The following PDE3B variants were observed in gnomAD, a reference collection of about 807,000 sequenced individuals.
PDE3B encodes the protein phosphodiesterase 3B.
In PDE3B, 66 loss-of-function variants were observed where a neutral mutation model predicts 116.8. That is an observed-to-expected ratio of 0.56 (90% CI 0.46 to 0.69). PDE3B has a LOEUF of 0.69. PDE3B is among the 30% of genes least tolerant of loss of function. PDE3B has a pLI of 0.00. For synonymous variants in PDE3B, 595 were observed against 533.6 expected (o/e 1.12, Z -1.59); for missense variants, 1,384 against 1,368.1 (o/e 1.01, Z -0.18).
At chr11:14,753,270 C>A (rs1857103673) in intron 1 of PDE3B, among the ~76,000 whole-genome samples, 1 of 152,054 alleles carries the variant, frequency 6.6e-6, no homozygotes, top group Non-Finnish European at 1.5e-5. Flanking sequence ...CTTTATTAGT[C>A]ACCGAGGATA....
At chr11:14,777,649 G>A (rs886138507) in intron 2 of PDE3B, among the ~76,000 whole-genome samples, 8 of 152,142 alleles carry the variant, frequency 5.3e-5, no homozygotes, top group African/African-American at 1.9e-4. Context: ...TCCAGCAAAA[G>A]TATTCTTTAA....
chr11:14,789,345 A>C lies in PDE3B; in HGVS notation c.1415+103A>C, dbSNP rs551148120. The stretch of plus-strand genomic sequence containing the variant: ...TCTGGAAGCAGAAAGGAATGGTTGA[A>C]GTATTTTAGGTATAGGACAACATGT... On this transcript the variant is annotated intron_variant, in intron 4 of 15. Transcript: ENST00000282096. 49 of 867,794 alleles carry C rather than the reference A, an allele frequency of 5.6e-5. No homozygotes were observed. In the African/African-American group the frequency reaches 7.0e-4, roughly 12 times the overall value. The allele number at this position is 867,794 out of a possible 1,614,324, so 53.8% of individuals were successfully genotyped here. A position where few individuals can be genotyped will look rare whatever the true frequency, so the allele number is the denominator to read the frequency against.
the PDE3B span, chr11:14,890,444 G>A: frequency 4.1e-6 from 4 of 980,376 alleles, no homozygotes; most frequent in South Asian, 4.7e-5. Context: ...TTATTATCTC[G>A]TCCAGCTTCC....
chr11:14,789,192 G>A lies in PDE3B; in HGVS notation c.1365G>A (p.Arg455=). 1 of 1,611,028 alleles carries A rather than the reference G, an allele frequency of 6.2e-7. No homozygotes were observed. Among genetic ancestry groups the A allele is most frequent in the South Asian group, 1.1e-5 (1 of 90,892 alleles). ...TGCTACCTGTTGAACAGTCTTCAAG[G>A]TGGGATCGTAATAATGGCAAAAGAC... The part of the protein sequence containing the change: ...SGLLPVEQSS[R]WDRNNGKRPH... The change falls in exon 4 of 16, where the codon AGG becomes AGA. Residue 455 remains arginine (R), a synonymous_variant. Coordinates refer to ENST00000282096, the MANE Select transcript of PDE3B (RefSeq NM_000922.4).
In PDE3B at chr11:14,681,501, G is replaced by GT. The variant is rs539093458; in HGVS notation, c.978+36449dup. Among the ~76,000 whole-genome samples, 356 of 152,290 alleles carry GT rather than the reference G, an allele frequency of 2.3e-3. 2 individuals are homozygous for GT. Among genetic ancestry groups the GT allele is most frequent in the African/African-American group, 8.3e-3 (344 of 41,570 alleles). ...ATGAGTGTGAGGACTTCCCTGCCAT[G>GT]TGGAACTGTGAGTCAATTAAACCTC... On this transcript the variant is annotated intron_variant, in intron 1 of 15. Coordinates refer to ENST00000282096, the MANE Select transcript of PDE3B (RefSeq NM_000922.4).
At chr11:14,879,391 A>G in the PDE3B span, 10 of 1,608,828 alleles carry the variant, frequency 6.2e-6, no homozygotes, top group South Asian at 1.1e-5. Context: ...TGTCGTCCCA[A>G]GAAGGCTTCC....
At chr11:14,818,072 TCTG>T in intron 5 of PDE3B, 108 bp from the exon 6 acceptor site, 1 of 684,184 alleles carries the variant, frequency 1.5e-6, no homozygotes, top group Non-Finnish European at 2.4e-6. Flanking sequence ...TTGTAAATAA[TCTG>T]CTTTTTTTAA....
intron 1 of PDE3B, among the ~76,000 whole-genome samples, chr11:14,711,079 A>G (rs760814767): frequency 3.3e-5 from 5 of 152,204 alleles, no homozygotes; most frequent in Non-Finnish European, 7.3e-5. Flanking sequence ...GATTTTTTCC[A>G]TGTCACATTA....
intron 1 of PDE3B, among the ~76,000 whole-genome samples, chr11:14,764,765 G>A (rs1475517043): frequency 6.6e-6 from 1 of 151,878 alleles, no homozygotes; most frequent in Admixed American, 6.6e-5. Context: ...CTGGTACACA[G>A]CATGCAGTTT....
chr11:14,890,463 A>AC, the PDE3B span: 4 of 981,330 alleles, frequency 4.1e-6, no homozygotes, highest in Non-Finnish European at 3.6e-6. Context: ...CCCTTTAACA[A>AC]CGTAAACTAT....
At chr11:14,898,142 G>T in the PDE3B span, among the ~76,000 whole-genome samples, 1 of 151,732 alleles carries the variant, frequency 6.6e-6, no homozygotes, top group Non-Finnish European at 1.5e-5. Flanking sequence ...TTTCAAGCCA[G>T]TTTGTAGGCT....
intron 14 of PDE3B, among the ~76,000 whole-genome samples, chr11:14,862,200 A>C (rs527678311): frequency 6.6e-6 from 1 of 152,130 alleles, no homozygotes; most frequent in East Asian, 1.9e-4. Flanking sequence ...TTAGAGAGAC[A>C]GCTTAACCTA....
At chr11:14,793,838 T>TATA (rs1858465637) in intron 4 of PDE3B, among the ~76,000 whole-genome samples, 1 of 152,194 alleles carries the variant, frequency 6.6e-6, no homozygotes, top group African/African-American at 2.4e-5. Context: ...TTCTGTGCCT[T>TATA]ATAATTTATC....
At chr11:14,650,678 C>T (rs1273486879) in intron 1 of PDE3B, among the ~76,000 whole-genome samples, 2 of 152,020 alleles carry the variant, frequency 1.3e-5, no homozygotes, top group Admixed American at 6.6e-5. Flanking sequence ...GATACACATC[C>T]ACCCTTGGGA....
intron 11 of PDE3B, among the ~76,000 whole-genome samples, chr11:14,835,562 T>C (rs1210698997): frequency 6.6e-6 from 1 of 152,182 alleles, no homozygotes; most frequent in African/African-American, 2.4e-5. Flanking sequence ...AAAACTTTTA[T>C]AAACAAATTT....
At chr11:14,697,316 T>G (rs1156974987) in intron 1 of PDE3B, among the ~76,000 whole-genome samples, 1 of 152,174 alleles carries the variant, frequency 6.6e-6, no homozygotes, top group Admixed American at 6.6e-5. Context: ...TTTGTTTGTT[T>G]GTTTGTTTTA....
the PDE3B span, among the ~76,000 whole-genome samples, chr11:14,894,307 G>A: frequency 6.6e-6 from 1 of 152,190 alleles, no homozygotes; most frequent in Non-Finnish European, 1.5e-5. Flanking sequence ...AGATGACACA[G>A]GATGGATATT....
chr11:14,738,057 TG>T (rs1355918876), intron 1 of PDE3B, among the ~76,000 whole-genome samples: 1 of 152,134 alleles, frequency 6.6e-6, no homozygotes, highest in Non-Finnish European at 1.5e-5. Context: ...TTTGCTATTG[TG>T]AATAGGGCCA....
chr11:14,859,018 C>G (rs372583446), intron 12 of PDE3B, 25 bp from the exon 13 acceptor site: 60 of 1,541,062 alleles, frequency 3.9e-5, no homozygotes, highest in Non-Finnish European at 5.2e-5. Context: ...AGGTGTCTGC[C>G]TCATTTTTCT....
Sources: allele counts gnomAD v4.1 joint callset (sites outside exome capture counted in the v4.1 genomes callset), GRCh38; gene constraint gnomAD v4.1.1; transcripts MANE v1.5; gene names NCBI Gene and HGNC (gene_info 2026-07-23, HGNC 2026-07-21).